Variants in DNAAF6 observed in about 807,000 individuals in gnomAD.
DNAAF6 encodes dynein axonemal assembly factor 6.
DNAAF6 carries 3 observed loss-of-function variants against 13.7 expected under a neutral mutation model. The ratio of observed to expected loss-of-function variants is 0.22; its 90% confidence interval spans 0.10 to 0.56. The LOEUF (loss-of-function observed/expected upper bound fraction) is 0.56. Among genes scored for constraint, DNAAF6 ranks in the 20% least tolerant of loss-of-function variants. The pLI is 0.92. For missense variants in DNAAF6, 130 were observed against 151.0 expected (o/e 0.86, Z 0.73); for synonymous variants, 54 against 49.2 (o/e 1.10, Z -0.41).
intron 5 of DNAAF6, 43 bp from the exon 6 acceptor site, chrX:107,238,866 TTCAAATTAATTGC>T: frequency 8.4e-7 from 1 of 1,192,521 alleles, no homozygotes. Flanking sequence ...TCTTATATTC[TTCAAATTAATTGC>T]TCTCCAAGAT....
chrX:107,234,166 G>A (rs1346039666), intron 5 of DNAAF6, among the ~76,000 whole-genome samples: 1 of 111,309 alleles, frequency 9.0e-6, no homozygotes, highest in Non-Finnish European at 1.9e-5. Context: ...AGACAGGTGT[G>A]GCAATATAGT....
At chrX:107,232,865 C>T (rs910282465) in intron 5 of DNAAF6, among the ~76,000 whole-genome samples, 5 of 110,499 alleles carry the variant, frequency 4.5e-5, no homozygotes, top group African/African-American at 1.7e-4. Context: ...ACCCCAGCCT[C>T]CCAAGCAAAT....
chrX:107,234,864 A>T (rs1262931707), intron 5 of DNAAF6, among the ~76,000 whole-genome samples: 1 of 112,116 alleles, frequency 8.9e-6, no homozygotes, highest in African/African-American at 3.2e-5. Flanking sequence ...ATCTTATAAT[A>T]TAATTGTAGA....
intron 6 of DNAAF6, among the ~76,000 whole-genome samples, chrX:107,239,844 A>C (rs1255407558): frequency 1.8e-5 from 2 of 112,190 alleles, no homozygotes; most frequent in Non-Finnish European, 3.8e-5. Flanking sequence ...CTCATGTTAT[A>C]AAAATTATAT....
intron 5 of DNAAF6, among the ~76,000 whole-genome samples, chrX:107,225,475 T>G (rs1202863141): frequency 7.2e-5 from 8 of 111,159 alleles, no homozygotes; most frequent in East Asian, 5.7e-4. Context: ...CGTCTCAATA[T>G]CATAAACATT....
intron 6 of DNAAF6, among the ~76,000 whole-genome samples, chrX:107,241,444 C>G (rs1042782131): frequency 1.8e-5 from 2 of 111,576 alleles, no homozygotes; most frequent in African/African-American, 6.5e-5. Flanking sequence ...TAGTACTAAT[C>G]TATGGTAATT....
At position 107,238,947 on chromosome X, in the gene DNAAF6, A is replaced by T. The variant is rs772148210; in HGVS notation, c.455A>T (p.Asn152Ile). 1.4e-5 allele frequency: 17 copies of T among 1,208,100 alleles called. No individual in the cohort carries two copies. Among genetic ancestry groups the T allele is most frequent in the Middle Eastern group, 2.3e-4 (1 of 4,369 alleles). The change falls in exon 6 of 7, where the codon AAC becomes ATC. Residue 152 changes from asparagine (N) to isoleucine (I), a missense_variant. Asn to Ile is a moderately radical substitution (Grantham distance 149). Coordinates refer to ENST00000372453, the MANE Select transcript of DNAAF6 (RefSeq NM_173494.2). ...GCTAAAATTAAATTGCCAAATACAA[A>T]CCCTTCTGATATTCAAATTGATATC... is the stretch of plus-strand genomic sequence containing the variant. ...LVAKIKLPNT[N>I]PSDIQIDIQE...
intron 4 of DNAAF6, among the ~76,000 whole-genome samples, chrX:107,219,840 A>C (rs1317240689): frequency 1.9e-5 from 2 of 107,606 alleles, no homozygotes; most frequent in Non-Finnish European, 3.8e-5. Flanking sequence ...TCTGTCGCCC[A>C]GGCTGGAGTG....
chrX:107,209,948 CT>C (rs1368372802), intron 1 of DNAAF6, among the ~76,000 whole-genome samples: 1 of 111,816 alleles, frequency 8.9e-6, no homozygotes, highest in African/African-American at 3.2e-5. Context: ...ACCAGTCTGA[CT>C]TTAACTCAAG....
chrX:107,223,066 G>A (rs993816443), intron 5 of DNAAF6, among the ~76,000 whole-genome samples: 1 of 111,599 alleles, frequency 9.0e-6, no homozygotes, highest in Non-Finnish European at 1.9e-5. Flanking sequence ...AAACATAATG[G>A]AATCATATGA....
chrX:107,236,902 T>G (rs1388328209), intron 5 of DNAAF6, among the ~76,000 whole-genome samples: 1 of 111,894 alleles, frequency 8.9e-6, no homozygotes, highest in East Asian at 2.8e-4. Context: ...TGGGTGGGAC[T>G]TTCTTTGTCG....
chrX:107,242,463 T>A (rs1215467172), intron 6 of DNAAF6, among the ~76,000 whole-genome samples: 1 of 112,614 alleles, frequency 8.9e-6, no homozygotes, highest in Admixed American at 9.4e-5. Flanking sequence ...AAGTGTTTCA[T>A]GCATTTAATT....
intron 6 of DNAAF6, among the ~76,000 whole-genome samples, chrX:107,241,186 A>C (rs1341271280): frequency 8.9e-6 from 1 of 112,186 alleles, no homozygotes; most frequent in Non-Finnish European, 1.9e-5. Flanking sequence ...CTTTGCTTAA[A>C]TCTCTTGTGA....
In DNAAF6 at chrX:107,243,179, A is replaced by G. The variant is rs773249620; in HGVS notation, c.526A>G (p.Ile176Val). ...DLRTPQKKLL[I>V]TLPELVECTS... ...GTTGTTTTTTTTTAGGAAGCTGTTG[A>G]TAACTCTTCCTGAGCTGGTGGAATG... The change falls in exon 7 of 7, where the codon ATA becomes GTA. Residue 176 changes from isoleucine (I) to valine (V), a missense_variant. Physicochemically the swap from Ile to Val is conservative, Grantham distance 29. Transcript: ENST00000372453. 1 of 1,200,743 alleles carries G rather than the reference A, an allele frequency of 8.3e-7. No homozygotes were observed. Among genetic ancestry groups the G allele is most frequent in the South Asian group, 1.8e-5 (1 of 54,335 alleles).
At chrX:107,230,362 C>T (rs1717053696) in intron 5 of DNAAF6, among the ~76,000 whole-genome samples, 1 of 111,802 alleles carries the variant, frequency 8.9e-6, no homozygotes, top group South Asian at 3.8e-4. Flanking sequence ...ATAGCCTTTC[C>T]ACACAGAGTG....
chrX:107,215,837 G>C (rs1438053376), intron 2 of DNAAF6, among the ~76,000 whole-genome samples: 1 of 111,823 alleles, frequency 8.9e-6, no homozygotes, highest in Non-Finnish European at 1.9e-5. Context: ...GTGAGTTGGA[G>C]CTGCAGGGTC....
At chrX:107,227,653 A>C (rs1224589601) in intron 5 of DNAAF6, among the ~76,000 whole-genome samples, 3 of 111,181 alleles carry the variant, frequency 2.7e-5, no homozygotes, top group African/African-American at 9.8e-5. Context: ...TGTCTCAGTA[A>C]TATATTCATA....
At chrX:107,238,780 C>T in intron 5 of DNAAF6, 142 bp from the exon 6 acceptor site, 1 of 1,005,350 alleles carries the variant, frequency 9.9e-7, no homozygotes, top group Non-Finnish European at 1.3e-6. Context: ...ATCTCTGCTG[C>T]TCAAGATTGA....
intron 1 of DNAAF6, chrX:107,207,299 T>A (rs746775809): frequency 8.9e-6 from 1 of 111,926 alleles, no homozygotes; most frequent in African/African-American, 3.3e-5. Flanking sequence ...GGTTCCAGTG[T>A]TGCTTGGTTA....
Sources: allele counts gnomAD v4.1 joint callset (sites outside exome capture counted in the v4.1 genomes callset), GRCh38; gene constraint gnomAD v4.1.1; transcripts MANE v1.5; gene names NCBI Gene and HGNC (gene_info 2026-07-23, HGNC 2026-07-21).